ZNF385D: variants seen among roughly 807,000 people sequenced by gnomAD.
The protein encoded by ZNF385D is zinc finger protein 659.
ZNF385D carries 15 observed loss-of-function variants against 35.8 expected under a neutral mutation model. The observed-to-expected ratio is 0.42, with a 90% CI of 0.28 to 0.64. The LOEUF (loss-of-function observed/expected upper bound fraction) is 0.64, where lower values mean the gene tolerates loss of function less well. Ranked by LOEUF, ZNF385D falls within the 30% of genes least tolerant of loss-of-function variation. The pLI is 0.23. For missense variants in ZNF385D, 474 were observed against 494.6 expected (o/e 0.96, Z 0.39); for synonymous variants, 212 against 186.8 (o/e 1.13, Z -1.10).
chr3:21,776,466 T>C (rs1353965869), intron 3 of ZNF385D, among the ~76,000 whole-genome samples: 3 of 151,986 alleles, frequency 2.0e-5, no homozygotes, highest in East Asian at 3.9e-4. Context: ...CGTATGTGTG[T>C]GTTAAATCTG....
At chr3:21,630,532 G>A (rs1187406983) in intron 2 of ZNF385D, among the ~76,000 whole-genome samples, 2 of 151,932 alleles carry the variant, frequency 1.3e-5, no homozygotes, top group East Asian at 3.9e-4. Flanking sequence ...TTTCAAAATC[G>A]TAACTGCACT....
chr3:21,568,109 T>G (rs2063211647), intron 2 of ZNF385D, among the ~76,000 whole-genome samples: 1 of 152,146 alleles, frequency 6.6e-6, no homozygotes, highest in African/African-American at 2.4e-5. Context: ...AAACTATAGA[T>G]ACACCATCAA....
chr3:21,754,343 C>CT (rs1219268054), upstream of ZNF385D, among the ~76,000 whole-genome samples: 1 of 152,084 alleles, frequency 6.6e-6, no homozygotes, highest in East Asian at 1.9e-4. Context: ...TTACCTGTCT[C>CT]TAAGAATCTG....
At chr3:22,044,678 G>C (rs1345966824) in intron 3 of ZNF385D, among the ~76,000 whole-genome samples, 2 of 152,124 alleles carry the variant, frequency 1.3e-5, no homozygotes, top group Non-Finnish European at 2.9e-5. Context: ...CCTTTGCTAA[G>C]AGCCATTTGG....
In ZNF385D at chr3:21,496,628, T is replaced by C. The variant is rs138764726; in HGVS notation, c.439+14233A>G. Among the ~76,000 whole-genome samples the C allele has an allele frequency of 2.7e-3, 396 of 148,580 alleles. 2 individuals carry two copies. Among genetic ancestry groups the C allele is most frequent in the Non-Finnish European group, 4.3e-3 (289 of 67,648 alleles). On this transcript the variant is annotated intron_variant, in intron 4 of 7. Transcript: ENST00000281523. ...ATATACTTCAGGTCAATATCCTTGA[T>C]GAACATAGATGCCAAAGTCCTCAAC...
intron 3 of ZNF385D, among the ~76,000 whole-genome samples, chr3:22,014,216 T>TTC (rs973405945): frequency 2.0e-5 from 3 of 151,606 alleles, no homozygotes; most frequent in Non-Finnish European, 4.4e-5. Flanking sequence ...CCTTTTTTTT[T>TTC]AAAGGGGGAA....
intron 2 of ZNF385D, among the ~76,000 whole-genome samples, chr3:22,239,091 CA>C (rs1699347806): frequency 1.3e-5 from 2 of 150,882 alleles, no homozygotes; most frequent in African/African-American, 2.5e-5. Flanking sequence ...AATTCAATTC[CA>C]AAGCCTTAAC....
At chr3:21,563,753 G>T (rs943375111) in intron 3 of ZNF385D, among the ~76,000 whole-genome samples, 5 of 152,164 alleles carry the variant, frequency 3.3e-5, no homozygotes, top group Non-Finnish European at 5.9e-5. Flanking sequence ...GAGTGTGAAT[G>T]CTCTCCAATC....
chr3:22,003,960 AAC>A (rs1201174627), intron 3 of ZNF385D, among the ~76,000 whole-genome samples: 7 of 152,210 alleles, frequency 4.6e-5, no homozygotes, highest in African/African-American at 1.7e-4. Flanking sequence ...AGTAAAAAAA[AAC>A]AAAGCTGGAG....
chr3:21,586,389 C>T (rs946776592), intron 2 of ZNF385D, among the ~76,000 whole-genome samples: 6 of 152,058 alleles, frequency 3.9e-5, no homozygotes, highest in East Asian at 1.9e-4. Context: ...AATGGTATTG[C>T]GGTTTTCAGA....
At chr3:21,485,724 C>T (rs1704979176) in intron 4 of ZNF385D, among the ~76,000 whole-genome samples, 1 of 152,022 alleles carries the variant, frequency 6.6e-6, no homozygotes, top group Admixed American at 6.6e-5. Flanking sequence ...CATTTCAGAA[C>T]ACCTACTATG....
intron 2 of ZNF385D, among the ~76,000 whole-genome samples, chr3:21,567,123 T>C (rs1037506622): frequency 2.6e-5 from 4 of 151,012 alleles, no homozygotes; most frequent in African/African-American, 9.7e-5. Context: ...TTTATCCATT[T>C]GCCATCGATG....
At chr3:22,145,646 A>T (rs1450385733) in intron 3 of ZNF385D, among the ~76,000 whole-genome samples, 1 of 152,242 alleles carries the variant, frequency 6.6e-6, no homozygotes, top group Non-Finnish European at 1.5e-5. Context: ...TGAGTTACAA[A>T]AACTAGCTTA....
At chr3:21,781,938 T>C (rs1401493757) in intron 3 of ZNF385D, among the ~76,000 whole-genome samples, 1 of 152,028 alleles carries the variant, frequency 6.6e-6, no homozygotes, top group Non-Finnish European at 1.5e-5. Flanking sequence ...CTAGCAACTT[T>C]CATCACTCCT....
chr3:22,169,365 T>C (rs540442147), intron 2 of ZNF385D, among the ~76,000 whole-genome samples: 58 of 152,332 alleles, frequency 3.8e-4, no homozygotes, highest in African/African-American at 1.4e-3. Context: ...ATTAAACAAC[T>C]TGTCTAAGGT....
At chr3:22,047,865 T>G (rs1396841879) in intron 3 of ZNF385D, among the ~76,000 whole-genome samples, 4 of 152,288 alleles carry the variant, frequency 2.6e-5, no homozygotes, top group African/African-American at 9.6e-5. Flanking sequence ...TTCCCACCAT[T>G]CAGATACAAG....
intron 3 of ZNF385D, among the ~76,000 whole-genome samples, chr3:21,813,325 G>A (rs1271240083): frequency 1.3e-5 from 2 of 152,168 alleles, no homozygotes; most frequent in Non-Finnish European, 2.9e-5. Flanking sequence ...CGCCAGCAAT[G>A]GAACAAAGCT....
At chr3:21,839,422 C>T (rs570255463) in intron 3 of ZNF385D, among the ~76,000 whole-genome samples, 4 of 152,066 alleles carry the variant, frequency 2.6e-5, no homozygotes, top group Non-Finnish European at 4.4e-5. Context: ...CAGTCTTTGG[C>T]GCCTAGCTTC....
intron 3 of ZNF385D, among the ~76,000 whole-genome samples, chr3:22,045,638 G>C (rs751122025): frequency 6.6e-6 from 1 of 152,120 alleles, no homozygotes; most frequent in African/African-American, 2.4e-5. Flanking sequence ...CTCATTTCTA[G>C]TGCTGAGTAA....
Sources: allele counts gnomAD v4.1 joint callset (sites outside exome capture counted in the v4.1 genomes callset), GRCh38; gene constraint gnomAD v4.1.1; transcripts MANE v1.5; gene names NCBI Gene and HGNC (gene_info 2026-07-23, HGNC 2026-07-21).